The following PARP11 variants were observed in gnomAD, a reference collection of about 807,000 sequenced individuals.
PARP11 encodes protein mono-ADP-ribosyltransferase PARP11.
In PARP11, 31 loss-of-function variants were observed where a neutral mutation model predicts 42.9. The observed-to-expected ratio is 0.72, with a 90% CI of 0.54 to 0.98. The LOEUF (loss-of-function observed/expected upper bound fraction) is 0.98, where lower values mean the gene tolerates loss of function less well. PARP11 is among the 50% of genes least tolerant of loss of function. The pLI is 0.00. For synonymous variants in PARP11, 137 were observed against 127.3 expected (o/e 1.08, Z -0.51); for missense variants, 365 against 413.1 (o/e 0.88, Z 1.01).
chr12:3,844,509 T>C (rs1947960205), intron 1 of PARP11, among the ~76,000 whole-genome samples: 1 of 152,232 alleles, frequency 6.6e-6, no homozygotes, highest in South Asian at 2.1e-4. Flanking sequence ...GTTCAATGTG[T>C]TTGATCTCAG....
intron 3 of PARP11, among the ~76,000 whole-genome samples, chr12:3,827,112 C>A (rs1947543657): frequency 6.6e-6 from 1 of 152,174 alleles, no homozygotes; most frequent in Non-Finnish European, 1.5e-5. Flanking sequence ...CCTGTGATGC[C>A]ATCTTCTTGG....
At chr12:3,813,917 A>C in intron 7 of PARP11, 120 bp downstream of exon 7, 1 of 662,954 alleles carries the variant, frequency 1.5e-6, no homozygotes, top group Admixed American at 3.1e-5. Context: ...ATTATAATCC[A>C]TTTGTTTTAT....
intron 1 of PARP11, among the ~76,000 whole-genome samples, chr12:3,842,905 A>T (rs184110387): frequency 6.6e-6 from 1 of 152,366 alleles, no homozygotes; most frequent in Non-Finnish European, 1.5e-5. Context: ...AGTGACAAGA[A>T]AATACACCAT....
intron 6 of PARP11, among the ~76,000 whole-genome samples, chr12:3,816,163 T>C (rs1022126825): frequency 5.3e-5 from 8 of 152,164 alleles, no homozygotes; most frequent in Admixed American, 2.0e-4. Context: ...CAAGGCGCAT[T>C]TGTTCCCTTT....
At chr12:3,847,625 T>A (rs1311804264) in intron 1 of PARP11, among the ~76,000 whole-genome samples, 2 of 152,156 alleles carry the variant, frequency 1.3e-5, no homozygotes, top group Non-Finnish European at 2.9e-5. Flanking sequence ...ATTCAACATC[T>A]TCTTATAATA....
At chr12:3,822,729 CTTGT>C (rs1424323685) in intron 4 of PARP11, among the ~76,000 whole-genome samples, 2 of 150,846 alleles carry the variant, frequency 1.3e-5, no homozygotes, top group Non-Finnish European at 3.0e-5. Flanking sequence ...TTAGTTCTGT[CTTGT>C]TTTTTTTGAA....
Position 3,809,583 on chromosome 12 carries a change from G to A in PARP11, c.*2540C>T, listed in dbSNP as rs1432373470. 1 of 151,894 alleles carries A rather than the reference G, an allele frequency of 6.6e-6. No individual in the cohort carries two copies. Among genetic ancestry groups the A allele is most frequent in the Non-Finnish European group, 1.5e-5 (1 of 68,018 alleles). The allele number at this position is 151,894 out of a possible 1,614,324, so 9.4% of individuals were successfully genotyped here. A position where few individuals can be genotyped will look rare whatever the true frequency, so the allele number is the denominator to read the frequency against. On this transcript the variant is annotated 3_prime_UTR_variant, in exon 8 of 8. Transcript: ENST00000228820. ...TCTAAAAGAAAAACAACTCCCAAAT[G>A]CTGTAACAGTTTTTCCATTCAAGTG...
chr12:3,859,456 G>C (rs1948258979), intron 1 of PARP11, among the ~76,000 whole-genome samples: 1 of 151,664 alleles, frequency 6.6e-6, no homozygotes, highest in South Asian at 2.1e-4. Context: ...CCAGCTACTT[G>C]GGAGGCTGAG....
At chr12:3,871,925 G>A (rs1948488105) in intron 1 of PARP11, 1 of 152,214 alleles carries the variant, frequency 6.6e-6, no homozygotes, top group Non-Finnish European at 1.5e-5. Flanking sequence ...CGTCCCAGAA[G>A]TGAGTCACAG....
rs1391162809 is a variant in PARP11 at position 3,818,279 on chromosome 12, CCTT to C, written c.548+3591_548+3593del. 3.9e-5 allele frequency among the ~76,000 whole-genome samples: 6 copies of C among 152,334 alleles called. No homozygotes were observed. In the East Asian group the frequency reaches 9.6e-4, roughly 24 times the overall value. ...CACTTCATTCGCTGTAGGTGACCTC[CCTT>C]CTTCCTTCACAAAAGAAACGGAAGG... On this transcript the variant is annotated intron_variant, in intron 6 of 7. Coordinates refer to ENST00000228820, the MANE Select transcript of PARP11 (RefSeq NM_020367.6).
chr12:3,823,366 C>T (rs1156872839), intron 4 of PARP11, among the ~76,000 whole-genome samples: 1 of 152,182 alleles, frequency 6.6e-6, no homozygotes, highest in African/African-American at 2.4e-5. Flanking sequence ...TTTGCTCACA[C>T]AGATGGTAGC....
intron 1 of PARP11, among the ~76,000 whole-genome samples, chr12:3,853,368 G>C (rs1948132277): frequency 1.3e-5 from 2 of 152,162 alleles, no homozygotes; most frequent in Non-Finnish European, 2.9e-5. Context: ...AGACCCATCA[G>C]TGTGCTGCAT....
intron 1 of PARP11, among the ~76,000 whole-genome samples, chr12:3,853,931 CT>C (rs1163002185): frequency 2.0e-5 from 3 of 152,216 alleles, no homozygotes; most frequent in African/African-American, 7.2e-5. Context: ...TCATAACAAA[CT>C]GTCTCTCAGA....
chr12:3,829,067 T>C, intron 2 of PARP11, 37 bp from the exon 3 acceptor site: 5 of 1,611,156 alleles, frequency 3.1e-6, no homozygotes, highest in Non-Finnish European at 4.2e-6. Flanking sequence ...TTACCAGCTG[T>C]TCACATTAAT....
intron 1 of PARP11, among the ~76,000 whole-genome samples, chr12:3,863,473 A>G (rs1355966094): frequency 6.6e-6 from 1 of 152,198 alleles, no homozygotes; most frequent in African/African-American, 2.4e-5. Context: ...TTGTTAGATA[A>G]AGGCATTCTG....
At chr12:3,862,105 T>C (rs1352273702) in intron 1 of PARP11, among the ~76,000 whole-genome samples, 4 of 152,072 alleles carry the variant, frequency 2.6e-5, no homozygotes, top group Non-Finnish European at 4.4e-5. Context: ...GATTAGTCAT[T>C]AGAGAAATAC....
chr12:3,851,731 G>A (rs143815152), intron 1 of PARP11, among the ~76,000 whole-genome samples: 34 of 152,348 alleles, frequency 2.2e-4, no homozygotes, highest in East Asian at 5.8e-4. Flanking sequence ...TTAAATGTCC[G>A]TGTCTGACAG....
intron 4 of PARP11, 134 bp downstream of exon 4, chr12:3,826,024 T>C (rs1216000476): frequency 3.6e-6 from 2 of 561,934 alleles, no homozygotes; most frequent in Admixed American, 2.9e-5. Flanking sequence ...CCACTGCGCC[T>C]GGCCCAAGAT....
At chr12:3,865,852 T>A (rs1379134684) in intron 1 of PARP11, among the ~76,000 whole-genome samples, 1 of 151,958 alleles carries the variant, frequency 6.6e-6, no homozygotes, top group Non-Finnish European at 1.5e-5. Context: ...GTATGATTAT[T>A]GATATGGTTA....
Sources: gnomAD v4.1 joint callset for allele counts (sites outside exome capture counted in the v4.1 genomes callset) on GRCh38, gnomAD v4.1.1 for gene constraint, MANE v1.5 for transcripts, NCBI Gene and HGNC (gene_info 2026-07-23, HGNC 2026-07-21) for gene names.